Variants in WDFY4 observed in about 807,000 individuals in gnomAD.
The protein encoded by WDFY4 is WD repeat- and FYVE domain-containing protein 4.
Under a neutral mutation model 351.9 loss-of-function variants are expected in WDFY4, and 169 were observed. The ratio of observed to expected loss-of-function variants is 0.48; its 90% CI spans 0.42 to 0.55. The LOEUF (loss-of-function observed/expected upper bound fraction) is 0.55. WDFY4 is among the 20% of genes least tolerant of loss of function. WDFY4 has a pLI of 0.00. For synonymous variants in WDFY4, 1,622 were observed against 1,574.6 expected (o/e 1.03, Z -0.71); for missense variants, 3,803 against 3,935.6 (o/e 0.97, Z 0.90).
Position 48,758,047 on chromosome 10 carries a change from C to A in WDFY4, c.2460-2300C>A, listed in dbSNP as rs193221221. Among the ~76,000 whole-genome samples the A allele has an allele frequency of 5.3e-3, 809 of 152,076 alleles. 4 individuals are homozygous for A. Among genetic ancestry groups the A allele is most frequent in the Non-Finnish European group, 7.1e-3 (482 of 67,948 alleles). ...CCATTTCTGTTGCTCTTTCTTCATC[C>A]CTGAAGTTTCCTTTCATTATTTTGT... is the stretch of plus-strand genomic sequence containing the variant. On this transcript the variant is annotated intron_variant, in intron 12 of 61. Coordinates refer to ENST00000325239, the MANE Select transcript of WDFY4 (RefSeq NM_001394531.1).
intron 49 of WDFY4, among the ~76,000 whole-genome samples, chr10:48,943,933 CT>C (rs1238520863): frequency 6.6e-6 from 1 of 151,952 alleles, no homozygotes; most frequent in Non-Finnish European, 1.5e-5. Context: ...TGGTATTTGG[CT>C]GCCTGGGTTC....
intron 51 of WDFY4, among the ~76,000 whole-genome samples, chr10:48,949,075 A>G (rs1178759287): frequency 1.3e-5 from 2 of 152,218 alleles, no homozygotes; most frequent in African/African-American, 4.8e-5. Context: ...CCAATTGTCC[A>G]TGCTTTTAGG....
At chr10:48,809,728 C>A (rs2067385990) in intron 28 of WDFY4, among the ~76,000 whole-genome samples, 1 of 152,218 alleles carries the variant, frequency 6.6e-6, no homozygotes, top group Non-Finnish European at 1.5e-5. Flanking sequence ...ATGATCAGAG[C>A]ACATCAGGAG....
At chr10:48,982,260 G>T (rs1453944845) in intron 61 of WDFY4, among the ~76,000 whole-genome samples, 1 of 152,212 alleles carries the variant, frequency 6.6e-6, no homozygotes, top group East Asian at 1.9e-4. Context: ...GCCTCGTCCT[G>T]TTCCCTGGGG....
chr10:48,856,453 C>T (rs962469268), intron 39 of WDFY4, among the ~76,000 whole-genome samples: 2 of 152,056 alleles, frequency 1.3e-5, no homozygotes, highest in Non-Finnish European at 2.9e-5. Flanking sequence ...ATGTGAGGCT[C>T]AGTTTTCTTC....
intron 39 of WDFY4, among the ~76,000 whole-genome samples, chr10:48,837,277 T>C (rs1202175378): frequency 6.6e-6 from 1 of 151,690 alleles, no homozygotes; most frequent in African/African-American, 2.4e-5. Flanking sequence ...AGGAGAGCTC[T>C]CGGGCAGGGA....
intron 55 of WDFY4, chr10:48,966,950 G>GCA (rs1199069905): frequency 5.6e-5 from 24 of 429,238 alleles, no homozygotes; most frequent in South Asian, 8.4e-5. Flanking sequence ...CCTCTTTCAG[G>GCA]CACACACACA....
intron 12 of WDFY4, among the ~76,000 whole-genome samples, chr10:48,750,859 C>T (rs2065161564): frequency 6.6e-6 from 1 of 152,222 alleles, no homozygotes; most frequent in Admixed American, 6.5e-5. Context: ...AGTGGTGAGG[C>T]CCATGTGAGC....
chr10:48,952,695 G>A (rs1276999471), intron 51 of WDFY4, among the ~76,000 whole-genome samples: 1 of 152,008 alleles, frequency 6.6e-6, no homozygotes, highest in Non-Finnish European at 1.5e-5. Context: ...AGGCAGCGTG[G>A]TTTCAGCAAG....
chr10:48,703,089 C>T (rs1490044236), intron 1 of WDFY4, among the ~76,000 whole-genome samples: 1 of 152,208 alleles, frequency 6.6e-6, no homozygotes. Flanking sequence ...ATTGTAAGGT[C>T]TCCTTGTTGA....
At chr10:48,754,475 A>G (rs2065273991) in intron 12 of WDFY4, among the ~76,000 whole-genome samples, 1 of 151,816 alleles carries the variant, frequency 6.6e-6, no homozygotes, top group African/African-American at 2.4e-5. Context: ...TTCTGCATAC[A>G]AGCACTTATC....
chr10:48,822,294 C>T, intron 34 of WDFY4, 86 bp from the exon 35 acceptor site: 2 of 1,360,794 alleles, frequency 1.5e-6, no homozygotes, highest in East Asian at 2.6e-5. Context: ...GAATAAGATG[C>T]AGTTGGTCAC....
intron 39 of WDFY4, among the ~76,000 whole-genome samples, chr10:48,838,238 C>A (rs2068472385): frequency 6.6e-6 from 1 of 152,180 alleles, no homozygotes; most frequent in Admixed American, 6.5e-5. Context: ...TGCCTCACAC[C>A]TTTCTTGGGG....
rs1284006010 is a variant in WDFY4, at chr10:48,787,887, TCTTCTC to T, written c.3809-637_3809-632del. Among the ~76,000 whole-genome samples the T allele has an allele frequency of 1.6e-3, 127 of 78,722 alleles. 16 individuals are homozygous for T. The highest frequency in any genetic ancestry group is 7.7e-3 in the East Asian group (16 of 2,078). The allele number at this position is 78,722 out of a possible 152,430, so 51.6% of individuals were successfully genotyped here. A position where few individuals can be genotyped will look rare whatever the true frequency, so the allele number is the denominator to read the frequency against. Reference sequence around the variant, plus strand: ...TTCTTCTTTCTTCTTTCTTTCTTCTTCTTCTCCTTCTTCTTCTTCTTCTTCTTCTTC... The same window carrying T: ...TTCTTCTTTCTTCTTTCTTTCTTCTTCTTCTTCTTCTTCTTCTTCTTCTTC... On this transcript the variant is annotated intron_variant, in intron 20 of 61. Transcript: ENST00000325239.
At chr10:48,730,090 G>T (rs1215318851) in intron 8 of WDFY4, among the ~76,000 whole-genome samples, 4 of 152,248 alleles carry the variant, frequency 2.6e-5, no homozygotes, top group Non-Finnish European at 5.9e-5. Flanking sequence ...TGGAGAATCG[G>T]CTAAGAAATG....
chr10:48,777,897 T>A (rs1158133163), intron 17 of WDFY4, among the ~76,000 whole-genome samples: 1 of 152,238 alleles, frequency 6.6e-6, no homozygotes, highest in Non-Finnish European at 1.5e-5. Context: ...TCAATTGACA[T>A]TGAAAAATTG....
chr10:48,804,485 T>C (rs2067186721), intron 25 of WDFY4, among the ~76,000 whole-genome samples: 1 of 149,304 alleles, frequency 6.7e-6, no homozygotes, highest in African/African-American at 2.5e-5. Context: ...TTATAAATCA[T>C]ACACAGAATT....
chr10:48,790,665 G>A, intron 22 of WDFY4, 62 bp from the exon 23 acceptor site: 2 of 1,517,290 alleles, frequency 1.3e-6, no homozygotes, highest in South Asian at 2.6e-5. Flanking sequence ...GTGCTGTCGG[G>A]GAATTTCCCA....
chr10:48,941,323 T>G (rs1055112343), intron 47 of WDFY4, among the ~76,000 whole-genome samples: 1 of 152,202 alleles, frequency 6.6e-6, no homozygotes, highest in Non-Finnish European at 1.5e-5. Context: ...GGCAGGCATA[T>G]GGGTAAAACA....
Sources: gnomAD v4.1 joint callset for allele counts (sites outside exome capture counted in the v4.1 genomes callset) on GRCh38, gnomAD v4.1.1 for gene constraint, MANE v1.5 for transcripts, NCBI Gene and HGNC (gene_info 2026-07-23, HGNC 2026-07-21) for gene names.